IDO2: variants seen among roughly 807,000 people sequenced by gnomAD.
IDO2 encodes indoleamine 2,3-dioxygenase-like 1 protein.
Under a neutral mutation model 45.1 loss-of-function variants are expected in IDO2, and 46 were observed. The ratio of observed to expected loss-of-function variants is 1.02; its 90% confidence interval spans 0.80 to 1.30. The LOEUF is 1.30. Among genes scored for constraint, IDO2 ranks in the 50% most tolerant of loss-of-function variants. IDO2 has a pLI of 0.00. For synonymous variants in IDO2, 218 were observed against 184.9 expected (o/e 1.18, Z -1.45); for missense variants, 544 against 491.8 (o/e 1.11, Z -1.00).
intron 3 of IDO2, among the ~76,000 whole-genome samples, chr8:39,964,490 G>A (rs1179818650): frequency 6.6e-6 from 1 of 152,072 alleles, no homozygotes; most frequent in Non-Finnish European, 1.5e-5. Flanking sequence ...TAATCTATCA[G>A]TTTGGAGTAC....
chr8:39,952,140 T>G (rs1316336970), intron 2 of IDO2, among the ~76,000 whole-genome samples: 1 of 152,168 alleles, frequency 6.6e-6, no homozygotes, highest in Non-Finnish European at 1.5e-5. Context: ...AGACGGACAT[T>G]TTCATCAAAA....
At chr8:39,967,366 A>G (rs1808101503) in intron 3 of IDO2, among the ~76,000 whole-genome samples, 1 of 152,158 alleles carries the variant, frequency 6.6e-6, no homozygotes, top group Admixed American at 6.5e-5. Flanking sequence ...TACTCAGATA[A>G]AATTGTGAAT....
At chr8:39,984,773 G>A (rs549383431) in intron 5 of IDO2, among the ~76,000 whole-genome samples, 1 of 151,474 alleles carries the variant, frequency 6.6e-6, no homozygotes, top group Non-Finnish European at 1.5e-5. Flanking sequence ...TCAGAGAAAT[G>A]ACATCAATGC....
intron 5 of IDO2, among the ~76,000 whole-genome samples, chr8:39,983,682 G>T (rs1007127387): frequency 2.0e-5 from 3 of 151,998 alleles, no homozygotes; most frequent in African/African-American, 7.3e-5. Flanking sequence ...TGGCCAACAT[G>T]GTGAAACCCC....
chr8:39,970,420 C>A (rs1202429730), intron 3 of IDO2, among the ~76,000 whole-genome samples: 1 of 152,172 alleles, frequency 6.6e-6, no homozygotes, highest in African/African-American at 2.4e-5. Flanking sequence ...GAGACAAAGT[C>A]TTGCTCTGTC....
At chr8:40,006,451 A>C (rs1481556160) in intron 9 of IDO2, among the ~76,000 whole-genome samples, 1 of 152,126 alleles carries the variant, frequency 6.6e-6, no homozygotes, top group African/African-American at 2.4e-5. Context: ...TTTTCAACTT[A>C]CATTGGGTTT....
At chr8:39,938,260 TAGTG>T (rs1807587540) in intron 1 of IDO2, among the ~76,000 whole-genome samples, 1 of 147,210 alleles carries the variant, frequency 6.8e-6, no homozygotes, top group African/African-American at 2.5e-5. Context: ...GAGGGCAACA[TAGTG>T]AGACTCTATC....
intron 8 of IDO2, among the ~76,000 whole-genome samples, chr8:39,996,130 A>C (rs1399774226): frequency 6.6e-6 from 1 of 150,606 alleles, no homozygotes; most frequent in Non-Finnish European, 1.5e-5. Flanking sequence ...CGGGAAAGGG[A>C]GTCTCCCTTT....
chr8:39,989,734 C>G, exon 8 of IDO2: 1 of 1,591,244 alleles, frequency 6.3e-7, no homozygotes, highest in Non-Finnish European at 8.6e-7. Flanking sequence ...CTTGTTCAGG[C>G]CACGAATGCT....
rs9792244 is a variant in IDO2 at position 40,005,264 on chromosome 8, T to A, written c.668-63T>A. 17,211 of 1,160,580 alleles carry A rather than the reference T, an allele frequency of 0.015. 2,012 individuals carry two copies. In the East Asian group the frequency reaches 0.3, roughly 20 times the overall value. The allele number at this position is 1,160,580 out of a possible 1,614,324, so 71.9% of individuals were successfully genotyped here. A position where few individuals can be genotyped will look rare whatever the true frequency, so the allele number is the denominator to read the frequency against. ...AACTCCGGGACAGCAGCAGGGCCCA[T>A]GCACATGTAACCAATTGCTTTCTTT... On this transcript the variant is annotated intron_variant, in intron 8 of 10. Transcript: ENST00000502986.
intron 3 of IDO2, among the ~76,000 whole-genome samples, chr8:39,978,456 G>A (rs1221199104): frequency 1.3e-5 from 2 of 152,166 alleles, no homozygotes; most frequent in Admixed American, 6.5e-5. Flanking sequence ...TGTTTACCAA[G>A]TGTTGCTTTC....
intron 2 of IDO2, among the ~76,000 whole-genome samples, chr8:39,951,389 T>C (rs113699874): frequency 4.0e-5 from 6 of 151,412 alleles, no homozygotes; most frequent in Non-Finnish European, 8.8e-5. Context: ...TGCCACTAGG[T>C]TGACCAAGTG....
intron 5 of IDO2, among the ~76,000 whole-genome samples, chr8:39,984,194 G>A (rs1808391964): frequency 6.6e-6 from 1 of 152,218 alleles, no homozygotes; most frequent in Admixed American, 6.5e-5. Context: ...TGCAACAACA[G>A]GCAGGTGCAG....
At position 40,011,923 on chromosome 8, in the gene IDO2, C is replaced by T. The variant is rs549620930; in HGVS notation, c.720-1642C>T. On this transcript the variant is annotated intron_variant, in intron 9 of 10. Coordinates refer to ENST00000502986, the Ensembl canonical transcript of IDO2. ...CAGCAGTAACCTCTCCTTTCCTCTT[C>T]CCACCATTCCCCTGCACTGCTTTCT... Among the ~76,000 whole-genome samples, 216 of 152,310 alleles carry T rather than the reference C, an allele frequency of 1.4e-3. 2 individuals are homozygous for T. Among genetic ancestry groups the T allele is most frequent in the African/African-American group, 4.8e-3 (198 of 41,558 alleles).
intron 1 of IDO2, among the ~76,000 whole-genome samples, chr8:39,945,382 T>C (rs1455009387): frequency 6.6e-6 from 1 of 152,218 alleles, no homozygotes; most frequent in Non-Finnish European, 1.5e-5. Context: ...CTTAGCATGA[T>C]CTGAGGGAGG....
At chr8:39,989,103 C>G (rs1230801070) in intron 7 of IDO2, among the ~76,000 whole-genome samples, 1 of 152,152 alleles carries the variant, frequency 6.6e-6, no homozygotes, top group African/African-American at 2.4e-5. Context: ...CCTCAGGAAA[C>G]TTACAGCCAT....
intron 6 of IDO2, among the ~76,000 whole-genome samples, chr8:39,986,701 G>GATAGATAGATAGAT (rs1466749302): frequency 4.6e-5 from 7 of 151,826 alleles, no homozygotes; most frequent in African/African-American, 2.4e-5. Context: ...TAGATAGATA[G>GATAGATAGATAGAT]ATAGATAGAT....
At chr8:39,942,027 A>G (rs1048521906) in intron 1 of IDO2, among the ~76,000 whole-genome samples, 1 of 152,220 alleles carries the variant, frequency 6.6e-6, no homozygotes, top group African/African-American at 2.4e-5. Context: ...CAGGAGGTGA[A>G]GGATACAGTA....
chr8:40,005,374 T>A (rs35212142), exon 9 of IDO2: 47,340 of 1,561,968 alleles, frequency 0.03, 892 homozygotes, highest in Non-Finnish European at 0.037. Context: ...GATCTTTCTC[T>A]CTGGGTAAGT....
Sources: gnomAD v4.1 joint callset for allele counts (sites outside exome capture counted in the v4.1 genomes callset) on GRCh38, gnomAD v4.1.1 for gene constraint, MANE v1.5 for transcripts, NCBI Gene and HGNC (gene_info 2026-07-23, HGNC 2026-07-21) for gene names.